The following ADCY5 variants were observed in gnomAD, a reference collection of about 807,000 sequenced individuals.
ADCY5 encodes adenylate cyclase 5.
ADCY5 carries 30 observed loss-of-function variants against 119.7 expected under a neutral mutation model. The ratio of observed to expected loss-of-function variants is 0.25; its 90% CI spans 0.19 to 0.34. The LOEUF (loss-of-function observed/expected upper bound fraction) is 0.34. ADCY5 is among the 10% of genes least tolerant of loss of function. ADCY5 has a pLI of 1.00. For missense variants in ADCY5, 1,324 were observed against 1,775.2 expected (o/e 0.75, Z 4.57); for synonymous variants, 753 against 762.2 (o/e 0.99, Z 0.20).
chr3:123,305,140 C>T (rs780080768), intron 12 of ADCY5, among the ~76,000 whole-genome samples: 1 of 152,154 alleles, frequency 6.6e-6, no homozygotes, highest in East Asian at 1.9e-4. Context: ...CTGAGCAAGC[C>T]GCATCCCATC....
intron 1 of ADCY5, among the ~76,000 whole-genome samples, chr3:123,408,097 CAG>C (rs753770607): frequency 6.1e-4 from 93 of 152,128 alleles, no homozygotes; most frequent in Non-Finnish European, 8.5e-4. Flanking sequence ...GAGGTGGTCT[CAG>C]AGAATACAAA....
intron 1 of ADCY5, among the ~76,000 whole-genome samples, chr3:123,405,515 G>C (rs1944876605): frequency 6.6e-6 from 1 of 152,234 alleles, no homozygotes; most frequent in South Asian, 2.1e-4. Context: ...GGACAGGAGG[G>C]GAGAGGTGCC....
chr3:123,317,928 C>A (rs370492009), intron 11 of ADCY5, 92 bp downstream of exon 11: 3 of 1,187,932 alleles, frequency 2.5e-6, no homozygotes, highest in East Asian at 2.4e-5. Context: ...AGGCCAGACT[C>A]CCTGCTCTGT....
intron 3 of ADCY5, among the ~76,000 whole-genome samples, chr3:123,341,061 G>C (rs945845290): frequency 1.3e-5 from 2 of 152,112 alleles, no homozygotes; most frequent in African/African-American, 4.8e-5. Context: ...GGAGGCAGAG[G>C]TTGCAGTGAG....
intron 16 of ADCY5, 115 bp from the exon 17 acceptor site, chr3:123,296,331 C>A: frequency 7.4e-6 from 9 of 1,220,818 alleles, no homozygotes; most frequent in Non-Finnish European, 1.0e-5. Flanking sequence ...ATACCTTCCC[C>A]TCTTCCTTAT....
At chr3:123,436,526 C>CA (rs1945621561) in intron 1 of ADCY5, among the ~76,000 whole-genome samples, 1 of 151,900 alleles carries the variant, frequency 6.6e-6, no homozygotes, top group Admixed American at 6.6e-5. Context: ...GCCAACATGC[C>CA]AAAATCCCTT....
chr3:123,416,321 C>T (rs1945184988), intron 1 of ADCY5: 2 of 1,535,466 alleles, frequency 1.3e-6, no homozygotes, highest in South Asian at 2.4e-5. Context: ...AGGCAATAAC[C>T]TCCTTCCCTA....
chr3:123,416,191 G>T, intron 1 of ADCY5: 1 of 1,536,052 alleles, frequency 6.5e-7, no homozygotes, highest in Non-Finnish European at 8.7e-7. Flanking sequence ...CACCCTCCGT[G>T]GGGCCCATTC....
intron 1 of ADCY5, among the ~76,000 whole-genome samples, chr3:123,389,904 T>C (rs1944351778): frequency 8.5e-6 from 1 of 118,082 alleles, no homozygotes; most frequent in Non-Finnish European, 1.7e-5. Flanking sequence ...CTGGGGAGCT[T>C]AGCTCTATGG....
chr3:123,297,371 T>C lies in ADCY5; in HGVS notation c.2912A>G (p.Asn971Ser). Residue 971 changes from asparagine to serine, a missense_variant, in exon 16 of 21, where the codon AAC becomes AGC. Asn to Ser is a conservative substitution (Grantham distance 46). Transcript: ENST00000462833. ...LVTANAIDFF[N>S]NGTSQCPEHA... ...AACTCACCACTGGGAGGTCCCGTTG[T>C]TGAAGAAGTCTCTGTGAAGAGAGTT... 5.0e-6 allele frequency: 8 copies of C among 1,614,058 alleles called. No individual in the cohort carries two copies. The highest frequency in any genetic ancestry group is 6.8e-6 in the Non-Finnish European group (8 of 1,180,014).
intron 13 of ADCY5, 128 bp downstream of exon 13, chr3:123,303,939 A>C (rs1486947503): frequency 1.5e-6 from 1 of 664,818 alleles, no homozygotes; most frequent in South Asian, 1.8e-5. Flanking sequence ...CTGATCCCAG[A>C]CCCAGGTGCG....
chr3:123,367,256 C>T (rs1943475987), intron 1 of ADCY5, among the ~76,000 whole-genome samples: 1 of 152,190 alleles, frequency 6.6e-6, no homozygotes, highest in Non-Finnish European at 1.5e-5. Context: ...GACACATTCC[C>T]ATACAAACCA....
intron 4 of ADCY5, among the ~76,000 whole-genome samples, chr3:123,331,217 G>C (rs1941747808): frequency 6.6e-6 from 1 of 152,198 alleles, no homozygotes; most frequent in Non-Finnish European, 1.5e-5. Context: ...TGTGGGGATG[G>C]AGGGATGGGC....
intron 11 of ADCY5, among the ~76,000 whole-genome samples, chr3:123,315,860 C>T (rs963073767): frequency 1.3e-5 from 2 of 152,186 alleles, no homozygotes; most frequent in Non-Finnish European, 2.9e-5. Flanking sequence ...GCTGGGATTA[C>T]AGACGTGAGC....
At chr3:123,324,545 C>G (rs1423728950) in intron 8 of ADCY5, among the ~76,000 whole-genome samples, 2 of 152,092 alleles carry the variant, frequency 1.3e-5, no homozygotes, top group African/African-American at 4.8e-5. Flanking sequence ...CCGAGCTGAG[C>G]AGCATGCCTG....
chr3:123,352,391 T>C lies in ADCY5; in HGVS notation c.1284+41A>G. On this transcript the variant is annotated intron_variant, in intron 2 of 20. Transcript: ENST00000462833. The surrounding 1 kb of genome is among the most constrained non-coding windows in gnomAD (Gnocchi z 4.8). ...ACTCAGCTGAGGTACATCTCAGGGC[T>C]CGACTCCGTCCCACTGTGCAAGGGC... 2 of 1,575,950 alleles carry C rather than the reference T, an allele frequency of 1.3e-6. No homozygotes were observed. Among genetic ancestry groups the C allele is most frequent in the Non-Finnish European group, 1.7e-6 (2 of 1,161,628 alleles).
intron 1 of ADCY5, among the ~76,000 whole-genome samples, chr3:123,445,392 A>G (rs1269628267): frequency 3.2e-5 from 4 of 125,874 alleles, no homozygotes. Flanking sequence ...AACCCCCCTC[A>G]GGAGAAACCA....
rs376017212 is a variant in ADCY5 at position 123,357,888 on chromosome 3, T to G, written c.1135-5307A>C. ...GAAGTTTAAAAATGATCCCACACCT[T>G]GGGGACAAGGAAGGTATGTCCAAAT... is the stretch of plus-strand genomic sequence containing the variant. On this transcript the variant is annotated intron_variant, in intron 1 of 20. Transcript: ENST00000462833. Among the ~76,000 whole-genome samples the G allele has an allele frequency of 9.9e-5, 15 of 152,246 alleles. No individual in the cohort carries two copies. The East Asian group carries it at 2.1e-3, about 22-fold the overall frequency.
At chr3:123,414,936 G>T (rs1576681233) in intron 1 of ADCY5, among the ~76,000 whole-genome samples, 1 of 152,308 alleles carries the variant, frequency 6.6e-6, no homozygotes, top group Admixed American at 6.5e-5. Context: ...TAAGTAACCT[G>T]CCCAAGGTTG....
Sources: gnomAD v4.1 joint callset for allele counts (sites outside exome capture counted in the v4.1 genomes callset) on GRCh38, gnomAD v4.1.1 for gene constraint, Gnocchi (gnomAD v3.1) non-coding constraint, MANE v1.5 for transcripts, NCBI Gene and HGNC (gene_info 2026-07-23, HGNC 2026-07-21) for gene names.